Variants in CELF2 observed in about 807,000 individuals in gnomAD.
CELF2 encodes the protein CUG triplet repeat RNA-binding protein 2.
A neutral mutation model predicts 62.6 loss-of-function variants in CELF2; 8 were observed. The ratio of observed to expected loss-of-function variants is 0.13; its 90% CI spans 0.07 to 0.23. The LOEUF (loss-of-function observed/expected upper bound fraction) is 0.23. CELF2 is among the 10% of genes least tolerant of loss of function. CELF2 has a pLI of 1.00. For synonymous variants in CELF2, 258 were observed against 250.0 expected (o/e 1.03, Z -0.30); for missense variants, 333 against 671.0 (o/e 0.50, Z 5.56).
chr10:10,994,946 G>A (rs2053803043), intron 2 of CELF2, among the ~76,000 whole-genome samples: 1 of 152,050 alleles, frequency 6.6e-6, no homozygotes, highest in South Asian at 2.1e-4. Flanking sequence ...TCCTACCCCA[G>A]TGAAGGCACA....
chr10:10,994,826 C>T (rs2136806803), intron 2 of CELF2, among the ~76,000 whole-genome samples: 1 of 151,594 alleles, frequency 6.6e-6, no homozygotes, highest in East Asian at 2.0e-4. Context: ...TCTGTTTCTC[C>T]ACCTTTGTCA....
the CELF2 span, among the ~76,000 whole-genome samples, chr10:10,774,975 T>A: frequency 2.0e-5 from 3 of 151,924 alleles, no homozygotes. Context: ...ACCTCCCAGG[T>A]TCAAGCAATT....
chr10:11,156,793 C>A lies in CELF2; in HGVS notation c.75-8693C>A, dbSNP rs979863174. On this transcript the variant is annotated intron_variant, in intron 1 of 12. Transcript: ENST00000633077. This position sits in a 1 kb window ranked among gnomAD's most constrained non-coding sequence, Gnocchi z 4.3. Reference sequence around the variant, plus strand: ...CAGAGCAAGCAGCCAGTCCGCATTACACGCATGTTCTGTGTGCAGCACTGT... The same window carrying A: ...CAGAGCAAGCAGCCAGTCCGCATTAAACGCATGTTCTGTGTGCAGCACTGT... Among the ~76,000 whole-genome samples, 1 of 152,184 alleles carries A rather than the reference C, an allele frequency of 6.6e-6. No homozygotes were observed. The highest frequency in any genetic ancestry group is 1.5e-5 in the Non-Finnish European group (1 of 68,028).
intron 1 of CELF2, among the ~76,000 whole-genome samples, chr10:10,847,511 A>G (rs756144656): frequency 9.2e-5 from 14 of 152,196 alleles, no homozygotes; most frequent in Non-Finnish European, 2.1e-4. Context: ...CACTCTGTAA[A>G]CATTCACATG....
chr10:11,005,796 A>T lies in CELF2; in HGVS notation c.53+356A>T, dbSNP rs569635198. Among the ~76,000 whole-genome samples, 5 of 152,192 alleles carry T rather than the reference A, an allele frequency of 3.3e-5. No individual in the cohort carries two copies. The highest frequency in any genetic ancestry group is 2.6e-4 in the Admixed American group (4 of 15,286). On this transcript the variant is annotated intron_variant, in intron 1 of 12. Transcript: ENST00000416382. This position sits in a 1 kb window ranked among gnomAD's most constrained non-coding sequence, Gnocchi z 4.3. ...CAATGTCTAAGCCTCTTTCATTTTT[A>T]TGCACTCTGCATGGAATAATCACCG...
At chr10:11,283,530 T>C (rs1166732095) in intron 8 of CELF2, among the ~76,000 whole-genome samples, 1 of 147,016 alleles carries the variant, frequency 6.8e-6, no homozygotes, top group East Asian at 2.0e-4. Flanking sequence ...TGGGTGATAA[T>C]GGATGGATGA....
At chr10:11,042,071 A>G (rs2061942809) in intron 1 of CELF2, among the ~76,000 whole-genome samples, 1 of 152,246 alleles carries the variant, frequency 6.6e-6, no homozygotes, top group Non-Finnish European at 1.5e-5. Context: ...TGCATGATCA[A>G]AATTTCAGTA....
chr10:10,733,269 A>G, the CELF2 span, among the ~76,000 whole-genome samples: 263 of 152,258 alleles, frequency 1.7e-3, 1 homozygote, highest in African/African-American at 5.9e-3. Flanking sequence ...TTTGAATCAC[A>G]TGGCTCGGAC....
the CELF2 span, among the ~76,000 whole-genome samples, chr10:10,732,680 C>T: frequency 4.8e-3 from 734 of 152,222 alleles, 1 homozygote; most frequent in Non-Finnish European, 6.5e-3. Flanking sequence ...CCCACCACCA[C>T]GCCTGGCTAG....
At chr10:11,158,993 G>A (rs938765678) in intron 1 of CELF2, among the ~76,000 whole-genome samples, 2 of 152,202 alleles carry the variant, frequency 1.3e-5, no homozygotes, top group African/African-American at 4.8e-5. Flanking sequence ...CTTTTCTTCA[G>A]AGGAGCTCAA....
chr10:11,086,860 T>A (rs901863389), intron 1 of CELF2, among the ~76,000 whole-genome samples: 1 of 152,200 alleles, frequency 6.6e-6, no homozygotes, highest in Non-Finnish European at 1.5e-5. Flanking sequence ...AAAGGTGTTT[T>A]CTTGCTTTCT....
the CELF2 span, among the ~76,000 whole-genome samples, chr10:10,759,296 C>CTTT: frequency 7.4e-5 from 9 of 120,884 alleles, no homozygotes; most frequent in Non-Finnish European, 8.3e-5. Flanking sequence ...GCCCATTTTT[C>CTTT]TTTTTTTTTT....
At chr10:10,648,423 G>A in the CELF2 span, among the ~76,000 whole-genome samples, 4 of 152,146 alleles carry the variant, frequency 2.6e-5, no homozygotes, top group African/African-American at 7.2e-5. Flanking sequence ...TCAGCTCAGC[G>A]TCTGGTATCA....
At chr10:10,859,999 T>C (rs549092350) in intron 1 of CELF2, among the ~76,000 whole-genome samples, 2 of 152,136 alleles carry the variant, frequency 1.3e-5, no homozygotes, top group East Asian at 3.9e-4. Context: ...AAAATAAAAT[T>C]GGGAAAAATA....
At chr10:11,271,717 CTGTG>C (rs3064843) in intron 7 of CELF2, among the ~76,000 whole-genome samples, 24 of 150,292 alleles carry the variant, frequency 1.6e-4, no homozygotes, top group Non-Finnish European at 2.4e-4. Flanking sequence ...GAGGGTGTCT[CTGTG>C]TGTGTGTGTG....
the CELF2 span, among the ~76,000 whole-genome samples, chr10:10,491,359 A>T: frequency 6.6e-5 from 10 of 152,240 alleles, no homozygotes; most frequent in African/African-American, 2.4e-4. Context: ...ATATGACTAA[A>T]TGAGGTTTCC....
At chr10:10,826,559 G>T (rs1382612124) in intron 1 of CELF2, among the ~76,000 whole-genome samples, 2 of 152,194 alleles carry the variant, frequency 1.3e-5, no homozygotes, top group African/African-American at 4.8e-5. Context: ...TGGGAATCCT[G>T]TATTTTTGTC....
At chr10:11,197,230 G>C (rs1383701875) in intron 2 of CELF2, among the ~76,000 whole-genome samples, 1 of 152,082 alleles carries the variant, frequency 6.6e-6, no homozygotes, top group Non-Finnish European at 1.5e-5. Context: ...ACTTGCTTCA[G>C]CTGGGAGACT....
chr10:11,136,796 T>C (rs927283611), intron 1 of CELF2, among the ~76,000 whole-genome samples: 2 of 152,182 alleles, frequency 1.3e-5, no homozygotes, highest in Admixed American at 1.3e-4. Context: ...TTCTAGTGTT[T>C]TGTTATTTTA....
Sources: gnomAD v4.1 joint callset for allele counts (sites outside exome capture counted in the v4.1 genomes callset) on GRCh38, gnomAD v4.1.1 for gene constraint, Gnocchi (gnomAD v3.1) non-coding constraint, MANE v1.5 for transcripts, NCBI Gene and HGNC (gene_info 2026-07-23, HGNC 2026-07-21) for gene names.